The following NCAM2 variants were observed in gnomAD, a reference collection of about 807,000 sequenced individuals.
NCAM2 encodes the protein N-CAM-2.
In NCAM2, 30 loss-of-function variants were observed where a neutral mutation model predicts 98.1. The observed-to-expected ratio is 0.31, with a 90% confidence interval of 0.23 to 0.41. The LOEUF (loss-of-function observed/expected upper bound fraction) is 0.41. Ranked by LOEUF, NCAM2 falls within the 10% of genes least tolerant of loss-of-function variation. The probability of loss-of-function intolerance (pLI) is 1.00; values close to 1 mark genes in which losing one functional copy is unlikely to be tolerated. For synonymous variants in NCAM2, 368 were observed against 342.4 expected (o/e 1.07, Z -0.83); for missense variants, 867 against 1,005.8 (o/e 0.86, Z 1.87).
chr21:21,078,078 G>A (rs2065716591), intron 1 of NCAM2, among the ~76,000 whole-genome samples: 1 of 152,044 alleles, frequency 6.6e-6, no homozygotes, highest in Non-Finnish European at 1.5e-5. Flanking sequence ...TGTGGATATA[G>A]CTTACTTATA....
intron 12 of NCAM2, among the ~76,000 whole-genome samples, chr21:21,436,011 A>G (rs1256352520): frequency 2.0e-5 from 3 of 152,180 alleles, no homozygotes; most frequent in Non-Finnish European, 4.4e-5. Flanking sequence ...ACGTTGTAAG[A>G]TATGTGTGTC....
intron 1 of NCAM2, among the ~76,000 whole-genome samples, chr21:21,174,040 C>T (rs1031406056): frequency 6.6e-6 from 1 of 152,192 alleles, no homozygotes; most frequent in Non-Finnish European, 1.5e-5. Context: ...TCTCCTGCCT[C>T]AGCCTCCCAA....
At position 21,468,662 on chromosome 21, in the gene NCAM2, G is replaced by A. The variant is rs762652033; in HGVS notation, c.1775G>A (p.Arg592His). 2 of 1,609,236 alleles carry A rather than the reference G, an allele frequency of 1.2e-6. No homozygotes were observed. The highest frequency in any genetic ancestry group is 1.3e-5 in the African/African-American group (1 of 74,650). ...KIEIFQTLPV[R>H]EPSPPSIHGQ... Reference sequence around the variant, plus strand: ...AAGAAATGTTGTATTGTATATCTAGGTGAACCAAGTCCTCCATCCATACAT... The same window carrying A: ...AAGAAATGTTGTATTGTATATCTAGATGAACCAAGTCCTCCATCCATACAT... The change falls in exon 14 of 18, where the codon CGT (arginine) becomes CAT (histidine). Residue 592 changes from arginine to histidine, a missense_variant and splice_region_variant. By Grantham distance (29) the Arg-to-His change is conservative. Coordinates refer to ENST00000400546, the MANE Select transcript of NCAM2 (RefSeq NM_004540.5).
chr21:21,304,982 A>T (rs916475404), intron 5 of NCAM2, among the ~76,000 whole-genome samples: 1 of 152,186 alleles, frequency 6.6e-6, no homozygotes, highest in African/African-American at 2.4e-5. Flanking sequence ...ATAGTAGTTC[A>T]TAATTAGCTT....
At chr21:21,166,406 C>T (rs1206894138) in intron 1 of NCAM2, among the ~76,000 whole-genome samples, 2 of 151,712 alleles carry the variant, frequency 1.3e-5, no homozygotes, top group African/African-American at 4.8e-5. Flanking sequence ...CGGGGTTTCA[C>T]CATGTTGGTC....
chr21:21,214,750 C>CACACTATATATACACATATATGTAATA (rs1312296366), intron 1 of NCAM2, among the ~76,000 whole-genome samples: 1 of 33,762 alleles, frequency 3.0e-5, no homozygotes, highest in Non-Finnish European at 9.7e-5. Context: ...TATATATACA[C>CACACTATATATACACATATATGTAATA]TATATATACA....
intron 9 of NCAM2, among the ~76,000 whole-genome samples, chr21:21,389,592 A>G (rs752517676): frequency 2.6e-5 from 4 of 152,036 alleles, no homozygotes; most frequent in African/African-American, 4.8e-5. Context: ...TCCCTGCTCA[A>G]TATCCTTTCC....
chr21:21,173,688 C>T (rs1303881641), intron 1 of NCAM2, among the ~76,000 whole-genome samples: 1 of 152,176 alleles, frequency 6.6e-6, no homozygotes, highest in Non-Finnish European at 1.5e-5. Flanking sequence ...TCATATCCTG[C>T]TGTATTAAAT....
In NCAM2 at chr21:21,530,353, A is replaced by G. The variant is rs188872370; in HGVS notation, c.2283-4184A>G. On this transcript the variant is annotated intron_variant, in intron 16 of 17. Transcript: ENST00000400546. ...TTAAATTATACATAATTAAATTAAA[A>G]TATAATTTGATTACATTAAATTATA... Among the ~76,000 whole-genome samples the G allele has an allele frequency of 9.0e-4, 131 of 144,874 alleles. 2 individuals carry two copies. In the East Asian group the frequency reaches 0.022, roughly 24 times the overall value.
intron 15 of NCAM2, among the ~76,000 whole-genome samples, chr21:21,493,070 TA>T (rs1259795714): frequency 6.6e-6 from 1 of 151,950 alleles, no homozygotes; most frequent in East Asian, 1.9e-4. Context: ...ATGGAATTTT[TA>T]TATAATAGCC....
At chr21:21,468,891 T>C in intron 14 of NCAM2, 108 bp downstream of exon 14, 1 of 960,622 alleles carries the variant, frequency 1.0e-6, no homozygotes, top group Non-Finnish European at 1.5e-6. Context: ...GTAATTGTGG[T>C]AATAAATGCT....
At chr21:21,431,954 C>T (rs2146028238) in intron 11 of NCAM2, among the ~76,000 whole-genome samples, 154 bp from the exon 12 acceptor site, 1 of 152,284 alleles carries the variant, frequency 6.6e-6, no homozygotes, top group Non-Finnish European at 1.5e-5. Flanking sequence ...TTCAAAAGAA[C>T]ATTCAGGTGT....
chr21:21,531,887 A>G (rs1165822069), intron 16 of NCAM2, among the ~76,000 whole-genome samples: 5 of 150,974 alleles, frequency 3.3e-5, no homozygotes, highest in South Asian at 2.1e-4. Flanking sequence ...CAGCTACTTG[A>G]GAGGCTGAGG....
chr21:21,035,842 C>G (rs1478818857), intron 1 of NCAM2, among the ~76,000 whole-genome samples: 4 of 152,100 alleles, frequency 2.6e-5, no homozygotes, highest in African/African-American at 7.2e-5. Context: ...TTACCTTGGA[C>G]AAGACTTAAA....
intron 8 of NCAM2, among the ~76,000 whole-genome samples, 179 bp downstream of exon 8, chr21:21,338,713 A>C (rs1030278070): frequency 6.6e-6 from 1 of 152,180 alleles, no homozygotes; most frequent in Admixed American, 6.6e-5. Flanking sequence ...GGGAGGGGAA[A>C]TGTCAATATG....
rs2067582940 is a variant in NCAM2, at chr21:21,155,497, A to C, written c.56-125081A>C. Among the ~76,000 whole-genome samples, 3 of 151,688 alleles carry C rather than the reference A, an allele frequency of 2.0e-5. No individual in the cohort carries two copies. The South Asian group carries it at 6.2e-4, about 31-fold the overall frequency. Reference sequence around the variant, plus strand: ...GGTTTTGTGTTAGTTACTCATGATTATTCATCACATCACTATGACTAGCAT... The same window carrying C: ...GGTTTTGTGTTAGTTACTCATGATTCTTCATCACATCACTATGACTAGCAT... On this transcript the variant is annotated intron_variant, in intron 1 of 17. Coordinates refer to ENST00000400546, the MANE Select transcript of NCAM2 (RefSeq NM_004540.5).
At chr21:21,016,004 AGT>A (rs2064301423) in intron 1 of NCAM2, among the ~76,000 whole-genome samples, 2 of 152,044 alleles carry the variant, frequency 1.3e-5, no homozygotes, top group South Asian at 4.2e-4. Flanking sequence ...CACAATGCCC[AGT>A]CGCCTGTATT....
intron 8 of NCAM2, among the ~76,000 whole-genome samples, chr21:21,346,409 A>G (rs1226228265): frequency 1.3e-5 from 2 of 152,104 alleles, no homozygotes; most frequent in African/African-American, 2.4e-5. Context: ...AGAGCTGAAG[A>G]GAGAGGTCCC....
At chr21:21,182,874 T>G (rs902300059) in intron 1 of NCAM2, among the ~76,000 whole-genome samples, 5 of 152,182 alleles carry the variant, frequency 3.3e-5, no homozygotes, top group African/African-American at 1.2e-4. Context: ...AGTCACTTAC[T>G]CAAAGTGTTC....
Sources: gnomAD v4.1 joint callset for allele counts (sites outside exome capture counted in the v4.1 genomes callset) on GRCh38, gnomAD v4.1.1 for gene constraint, MANE v1.5 for transcripts, NCBI Gene and HGNC (gene_info 2026-07-23, HGNC 2026-07-21) for gene names.